The following COG3 variants were observed in gnomAD, a reference collection of about 807,000 sequenced individuals.
The protein encoded by COG3 is conserved oligomeric Golgi complex subunit 3.
Under a neutral mutation model 114.1 loss-of-function variants are expected in COG3, and 32 were observed. The ratio of observed to expected loss-of-function variants is 0.28; its 90% CI spans 0.21 to 0.38. The LOEUF (loss-of-function observed/expected upper bound fraction) is 0.38. Among genes scored for constraint, COG3 ranks in the 10% least tolerant of loss-of-function variants. COG3 has a pLI of 1.00. For synonymous variants in COG3, 352 were observed against 365.7 expected (o/e 0.96, Z 0.43); for missense variants, 813 against 973.2 (o/e 0.84, Z 2.19).
At chr13:45,514,561 A>C (rs1871334192) in intron 16 of COG3, among the ~76,000 whole-genome samples, 1 of 151,966 alleles carries the variant, frequency 6.6e-6, no homozygotes, top group Non-Finnish European at 1.5e-5. Context: ...TCTGTTTCCT[A>C]CATATTATAA....
At chr13:45,513,217 A>ATATATATAATATATACATATAAAT (rs1871084927) in intron 16 of COG3, among the ~76,000 whole-genome samples, 1 of 12,682 alleles carries the variant, frequency 7.9e-5, no homozygotes, top group Non-Finnish European at 6.7e-4. Context: ...CATATAAATT[A>ATATATATAATATATACATATAAAT]TATATATATA....
chr13:45,470,924 G>A (rs1049549220), intron 1 of COG3, among the ~76,000 whole-genome samples: 2 of 152,246 alleles, frequency 1.3e-5, no homozygotes, highest in Non-Finnish European at 2.9e-5. Flanking sequence ...TACCTGTGGT[G>A]CCGGGCATGG....
chr13:45,496,106 T>G, intron 12 of COG3, 46 bp from the exon 13 acceptor site: 2 of 1,552,912 alleles, frequency 1.3e-6, no homozygotes, highest in Non-Finnish European at 8.8e-7. Flanking sequence ...TAAAAGAAAG[T>G]GTTTTTCTAA....
intron 20 of COG3, among the ~76,000 whole-genome samples, chr13:45,526,768 C>T (rs1293356901): frequency 6.6e-6 from 1 of 152,126 alleles, no homozygotes; most frequent in Non-Finnish European, 1.5e-5. Flanking sequence ...TACATTCTGT[C>T]AGAAGACAGA....
rs868280902 is a variant in COG3 at position 45,521,579 on chromosome 13, A to G, written c.2154+2485A>G. The stretch of plus-strand genomic sequence containing the variant: ...GTCAGAGACAAAGATACATACGTGC[A>G]CACACACACACACACACACACACGC... On this transcript the variant is annotated intron_variant, in intron 19 of 22. Coordinates refer to ENST00000349995, the MANE Select transcript of COG3 (RefSeq NM_031431.4). Among the ~76,000 whole-genome samples, 13 of 136,650 alleles carry G rather than the reference A, an allele frequency of 9.5e-5. No homozygotes were observed. In the South Asian group the frequency reaches 2.2e-3, roughly 23 times the overall value. 89.6% of individuals were successfully genotyped at this position (136,650 alleles called of 152,430 possible).
chr13:45,517,329 CT>C (rs1167147666), intron 17 of COG3, among the ~76,000 whole-genome samples: 15 of 152,106 alleles, frequency 9.9e-5, no homozygotes, highest in Non-Finnish European at 1.5e-4. Context: ...CTGTGCCTAT[CT>C]GATAGTGGAT....
intron 13 of COG3, among the ~76,000 whole-genome samples, chr13:45,500,978 G>A (rs1007388080): frequency 6.6e-6 from 1 of 152,186 alleles, no homozygotes; most frequent in Admixed American, 6.5e-5. Context: ...GATTAGACTA[G>A]TGTTTTGGGT....
intron 19 of COG3, among the ~76,000 whole-genome samples, chr13:45,522,448 C>T (rs1872262430): frequency 6.6e-6 from 1 of 152,132 alleles, no homozygotes; most frequent in Non-Finnish European, 1.5e-5. Context: ...CTTGTTGAGA[C>T]ACTTTGTATG....
At chr13:45,477,632 T>A (rs1308763743) in intron 2 of COG3, among the ~76,000 whole-genome samples, 2 of 94,546 alleles carry the variant, frequency 2.1e-5, no homozygotes, top group South Asian at 5.7e-4. Flanking sequence ...CCATATTCTC[T>A]TTTTTTTTTT....
intron 7 of COG3, among the ~76,000 whole-genome samples, chr13:45,486,287 CATCGGGA>C (rs1432202530): frequency 1.6e-5 from 2 of 121,532 alleles, no homozygotes; most frequent in Non-Finnish European, 3.2e-5. Flanking sequence ...AGAGGGAGAC[CATCGGGA>C]GACGGGAGAC....
chr13:45,484,808 G>A (rs1455292837), intron 7 of COG3, among the ~76,000 whole-genome samples: 2 of 145,054 alleles, frequency 1.4e-5, no homozygotes, highest in East Asian at 2.0e-4. Context: ...GACTCTTAAC[G>A]AGCATGCTGC....
intron 5 of COG3, 93 bp from the exon 6 acceptor site, chr13:45,482,288 C>A: frequency 1.6e-6 from 1 of 611,718 alleles, no homozygotes. Flanking sequence ...ATGTTATGTC[C>A]TAAAGGCAAA....
intron 8 of COG3, among the ~76,000 whole-genome samples, chr13:45,487,086 A>G (rs1886715333): frequency 6.6e-6 from 1 of 152,240 alleles, no homozygotes; most frequent in Non-Finnish European, 1.5e-5. Context: ...GGAACAGAAT[A>G]GAGAGCTCAG....
chr13:45,468,535 ACAT>A (rs372454191), intron 1 of COG3, among the ~76,000 whole-genome samples: 69 of 152,310 alleles, frequency 4.5e-4, no homozygotes, highest in African/African-American at 1.5e-3. Flanking sequence ...AGAGAACAAA[ACAT>A]CAGGTTTCAT....
intron 1 of COG3, among the ~76,000 whole-genome samples, 181 bp from the exon 2 acceptor site, chr13:45,476,020 G>T (rs1404320960): frequency 2.0e-5 from 3 of 150,836 alleles, no homozygotes; most frequent in African/African-American, 7.3e-5. Flanking sequence ...TTTATATTTT[G>T]AGATGAGCAT....
At position 45,486,504 on chromosome 13, in the gene COG3, T is replaced by A; in HGVS notation, c.853T>A (p.Ser285Thr). 6.2e-7 allele frequency: 1 copy of A among 1,602,782 alleles called. No individual in the cohort carries two copies. The highest frequency in any genetic ancestry group is 8.5e-7 in the Non-Finnish European group (1 of 1,169,700). Residue 285 changes from serine (S) to threonine (T), a missense_variant, in exon 8 of 23, where the codon TCT (serine) becomes ACT (threonine). By Grantham distance (58) the Ser-to-Thr change is moderately conservative (BLOSUM62 1). Transcript: ENST00000349995. ...CCCCATGTTTCTTTAGGATCCTTCA[T>A]CTGTACCTAATGCAGACAATGCCTT... ...TSQLLKRDPS[S>T]VPNADNAFTL... is the part of the protein sequence containing the mutation.
Position 45,491,415 on chromosome 13 carries a change from C to T in COG3, c.972C>T (p.Tyr324=), listed in dbSNP as rs746931355. 6.2e-7 allele frequency: 1 copy of T among 1,602,216 alleles called. No homozygotes were observed. The highest frequency in any genetic ancestry group is 1.8e-5 in the Admixed American group (1 of 56,228). The change falls in exon 10 of 23, where the codon TAC becomes TAT. Residue 324 remains tyrosine (Y), a synonymous_variant. Coordinates refer to ENST00000349995, the MANE Select transcript of COG3 (RefSeq NM_031431.4). ...IELRSEKIPE[Y]QQLLNDIHQC... ...AATCTCATTTGCTTTCTGTCAGATA[C>T]CAACAACTGCTAAATGATATCCACC...
At chr13:45,474,665 A>C (rs879862316) in intron 1 of COG3, among the ~76,000 whole-genome samples, 3 of 152,184 alleles carry the variant, frequency 2.0e-5, no homozygotes, top group Admixed American at 6.6e-5. Flanking sequence ...CCCATACACA[A>C]AAAACTCTAT....
chr13:45,514,099 T>C (rs544138985), intron 16 of COG3, among the ~76,000 whole-genome samples: 4 of 151,538 alleles, frequency 2.6e-5, no homozygotes, highest in Non-Finnish European at 5.9e-5. Context: ...GGGAAAAATA[T>C]GACCTAATTT....
Sources: gnomAD v4.1 joint callset for allele counts (sites outside exome capture counted in the v4.1 genomes callset) on GRCh38, gnomAD v4.1.1 for gene constraint, MANE v1.5 for transcripts, NCBI Gene and HGNC (gene_info 2026-07-23, HGNC 2026-07-21) for gene names.